Variants in OSBPL9 observed in about 807,000 individuals in gnomAD.
The protein encoded by OSBPL9 is oxysterol-binding protein-related protein 9.
A neutral mutation model predicts 106.6 loss-of-function variants in OSBPL9; 40 were observed. The ratio of observed to expected loss-of-function variants is 0.38; its 90% confidence interval spans 0.29 to 0.49. OSBPL9 has a LOEUF of 0.49. Among genes scored for constraint, OSBPL9 ranks in the 20% least tolerant of loss-of-function variants. OSBPL9 has a pLI of 0.97. For synonymous variants in OSBPL9, 269 were observed against 295.4 expected, an observed-to-expected ratio of 0.91 and a Z score of 0.92; for missense variants, 609 against 887.2, an observed-to-expected ratio of 0.69 and a Z score of 3.98.
rs918590269 is a variant in OSBPL9, at chr1:51,720,816, G to A, written c.318+6737G>A. 8.3e-3 allele frequency among the ~76,000 whole-genome samples: 189 copies of A among 22,658 alleles called. 4 individuals are homozygous for A. The highest frequency in any genetic ancestry group is 0.078 in the South Asian group (73 of 940). The allele number at this position is 22,658 out of a possible 152,430, so 14.9% of individuals were successfully genotyped here. On this transcript the variant is annotated intron_variant, in intron 4 of 23. Transcript: ENST00000428468. ...AATTTTTTTTTTTTTTTTTTTTTTT[G>A]AGACGGAGTCTCATTCTGTTTCCCA...
chr1:51,596,114 C>A (rs573545610), intron 1 of OSBPL9, among the ~76,000 whole-genome samples: 1 of 151,346 alleles, frequency 6.6e-6, no homozygotes, highest in African/African-American at 2.4e-5. Context: ...AAAAATTAGC[C>A]GGGCATGGTG....
the OSBPL9 span, among the ~76,000 whole-genome samples, chr1:51,528,727 G>A: frequency 1.3e-5 from 2 of 151,770 alleles, no homozygotes; most frequent in Non-Finnish European, 1.5e-5. Flanking sequence ...GCAAAAATTC[G>A]CCAGGCATGG....
At chr1:51,538,981 T>C in the OSBPL9 span, among the ~76,000 whole-genome samples, 1 of 152,216 alleles carries the variant, frequency 6.6e-6, no homozygotes, top group South Asian at 2.1e-4. Flanking sequence ...TAAAATCCTC[T>C]GGACTCTTCT....
intron 2 of OSBPL9, among the ~76,000 whole-genome samples, chr1:51,654,918 G>A (rs1483391457): frequency 2.0e-5 from 3 of 152,116 alleles, no homozygotes; most frequent in South Asian, 4.1e-4. Context: ...TTGGGAGTAC[G>A]GGAGATGGGG....
the OSBPL9 span, among the ~76,000 whole-genome samples, chr1:51,530,478 A>G: frequency 6.6e-6 from 1 of 151,606 alleles, no homozygotes. Flanking sequence ...TAAACCAGGC[A>G]TGGTGGCTCA....
intron 1 of OSBPL9, among the ~76,000 whole-genome samples, chr1:51,651,440 C>A (rs904760994): frequency 4.6e-5 from 7 of 151,798 alleles, no homozygotes; most frequent in Non-Finnish European, 1.0e-4. Flanking sequence ...CCGTCTCTAT[C>A]AAAAACACAA....
intron 1 of OSBPL9, chr1:51,577,284 T>A (rs1392288350): frequency 6.6e-6 from 1 of 151,940 alleles, no homozygotes; most frequent in Non-Finnish European, 1.5e-5. Context: ...CGTTTCTTTA[T>A]AAATTACCCC....
At chr1:51,556,056 C>A in the OSBPL9 span, among the ~76,000 whole-genome samples, 1 of 152,130 alleles carries the variant, frequency 6.6e-6, no homozygotes. Context: ...CCAGCTCAAC[C>A]ACATACTAGC....
At chr1:51,635,575 T>A (rs1319196063) in intron 1 of OSBPL9, among the ~76,000 whole-genome samples, 1 of 152,206 alleles carries the variant, frequency 6.6e-6, no homozygotes, top group Non-Finnish European at 1.5e-5. Context: ...CAGCATATAT[T>A]ACTAACATGC....
intron 4 of OSBPL9, among the ~76,000 whole-genome samples, chr1:51,736,607 G>GAACT (rs1191817502): frequency 1.3e-5 from 2 of 152,106 alleles, no homozygotes; most frequent in African/African-American, 4.8e-5. Context: ...TTCAGAACCT[G>GAACT]AACTAACTAC....
chr1:51,607,516 T>A (rs866017738), intron 2 of OSBPL9, among the ~76,000 whole-genome samples: 3 of 152,294 alleles, frequency 2.0e-5, no homozygotes, highest in Admixed American at 6.5e-5. Flanking sequence ...ATAGGTATAT[T>A]TTTTATAAAA....
intron 3 of OSBPL9, among the ~76,000 whole-genome samples, chr1:51,700,116 A>G (rs144557579): frequency 6.6e-6 from 1 of 152,214 alleles, no homozygotes; most frequent in African/African-American, 2.4e-5. Context: ...TGTAAATGTC[A>G]CCATCACTCC....
At chr1:51,763,189 A>G (rs981633200) in intron 11 of OSBPL9, among the ~76,000 whole-genome samples, 1 of 151,988 alleles carries the variant, frequency 6.6e-6, no homozygotes, top group Non-Finnish European at 1.5e-5. Context: ...TATTTTTAGT[A>G]GAGACGGCAT....
intron 1 of OSBPL9, among the ~76,000 whole-genome samples, chr1:51,622,155 G>T (rs1035308576): frequency 1.3e-5 from 2 of 152,176 alleles, no homozygotes; most frequent in African/African-American, 4.8e-5. Flanking sequence ...CTGGTTGAAT[G>T]ATAAAAAGGA....
chr1:51,602,018 C>CTTTTTTTTTTTTTTTTTTTTTTTT (rs758760414), intron 2 of OSBPL9, among the ~76,000 whole-genome samples: 2 of 76,406 alleles, frequency 2.6e-5, no homozygotes, highest in Non-Finnish European at 2.3e-5. Context: ...TCTTGGGGTT[C>CTTTTTTTTTTTTTTTTTTTTTTTT]TTTTTTTTTT....
chr1:51,584,183 A>T (rs545075567), intron 1 of OSBPL9, among the ~76,000 whole-genome samples: 1 of 152,194 alleles, frequency 6.6e-6, no homozygotes, highest in South Asian at 2.1e-4. Flanking sequence ...GCCAGTCCCT[A>T]TGCAAGGTCT....
intron 2 of OSBPL9, among the ~76,000 whole-genome samples, chr1:51,611,265 T>A (rs1570543223): frequency 6.7e-6 from 1 of 150,242 alleles, no homozygotes; most frequent in South Asian, 2.1e-4. Flanking sequence ...AAAACAGGAC[T>A]GTGAACAAAA....
At chr1:51,617,713 C>T (rs1344291264) in intron 1 of OSBPL9, among the ~76,000 whole-genome samples, 1 of 152,138 alleles carries the variant, frequency 6.6e-6, no homozygotes, top group Admixed American at 6.5e-5. Flanking sequence ...CAAAAGTGAC[C>T]AGCCCTCGGG....
chr1:51,546,168 A>G, the OSBPL9 span, among the ~76,000 whole-genome samples: 1 of 151,958 alleles, frequency 6.6e-6, no homozygotes, highest in Admixed American at 6.6e-5. Context: ...GGTATCAGCC[A>G]CCATGCTCGG....
Sources: allele counts gnomAD v4.1 joint callset (sites outside exome capture counted in the v4.1 genomes callset), GRCh38; gene constraint gnomAD v4.1.1; transcripts MANE v1.5; gene names NCBI Gene and HGNC (gene_info 2026-07-23, HGNC 2026-07-21).